The following PLXDC2 variants were observed in gnomAD, a reference collection of about 807,000 sequenced individuals.
PLXDC2 encodes the protein plexin domain-containing protein 2.
A neutral mutation model predicts 68.9 loss-of-function variants in PLXDC2; 40 were observed. The observed-to-expected ratio is 0.58, with a 90% CI of 0.45 to 0.76. The LOEUF is 0.76. PLXDC2 is among the 30% of genes least tolerant of loss of function. The pLI, the probability that PLXDC2 is intolerant of heterozygous loss-of-function variation, is 0.00. For synonymous variants in PLXDC2, 243 were observed against 234.2 expected, an observed-to-expected ratio of 1.04 and a Z score of -0.34; for missense variants, 644 against 661.9, an observed-to-expected ratio of 0.97 and a Z score of 0.30.
intron 1 of PLXDC2, among the ~76,000 whole-genome samples, chr10:19,837,756 T>A (rs1836827123): frequency 6.6e-6 from 1 of 152,216 alleles, no homozygotes; most frequent in African/African-American, 2.4e-5. Flanking sequence ...TAACTGAACT[T>A]GTTAGGTCAT....
chr10:20,128,937 A>G lies in PLXDC2; in HGVS notation c.542-14358A>G, dbSNP rs139862330. The stretch of plus-strand genomic sequence containing the variant: ...CTTGGCCATTGTGAACAATGCTGCA[A>G]TGAACATGGAAGTTCTGCTATCCCT... On this transcript the variant is annotated intron_variant, in intron 4 of 13. Coordinates refer to ENST00000377252, the MANE Select transcript of PLXDC2 (RefSeq NM_032812.9). Among the ~76,000 whole-genome samples the G allele has an allele frequency of 6.6e-5, 10 of 152,328 alleles. 1 individual carries two copies. In the East Asian group the frequency reaches 7.7e-4, roughly 12 times the overall value.
At chr10:20,183,133 G>T (rs541578121) in intron 9 of PLXDC2, among the ~76,000 whole-genome samples, 1 of 152,024 alleles carries the variant, frequency 6.6e-6, no homozygotes, top group African/African-American at 2.4e-5. Flanking sequence ...TTTGCTTTGG[G>T]ACAAGATAAG....
intron 4 of PLXDC2, among the ~76,000 whole-genome samples, chr10:20,110,765 T>TTTCTA (rs1224408954): frequency 6.6e-6 from 1 of 152,182 alleles, no homozygotes; most frequent in African/African-American, 2.4e-5. Flanking sequence ...TTCATCAATC[T>TTTCTA]TTCTATTTTT....
rs575787802 is a variant in PLXDC2 at position 19,925,972 on chromosome 10, A to G, written c.113-75803A>G. On this transcript the variant is annotated intron_variant, in intron 1 of 13. Transcript: ENST00000377252. ...TCCGCTGGCATTAGAGAGCTCCCAC[A>G]TATGAACGCTCAATGTATCCACATG... 4.6e-5 allele frequency among the ~76,000 whole-genome samples: 7 copies of G among 152,322 alleles called. No individual in the cohort carries two copies. The East Asian group carries it at 1.3e-3, about 29-fold the overall frequency.
At chr10:19,912,958 T>C (rs1199453767) in intron 1 of PLXDC2, among the ~76,000 whole-genome samples, 1 of 152,196 alleles carries the variant, frequency 6.6e-6, no homozygotes, top group Non-Finnish European at 1.5e-5. Flanking sequence ...AGTTTAATTA[T>C]GAAAAATACA....
At chr10:19,877,471 C>G (rs757002212) in intron 1 of PLXDC2, among the ~76,000 whole-genome samples, 11 of 152,182 alleles carry the variant, frequency 7.2e-5, no homozygotes, top group Admixed American at 5.9e-4. Flanking sequence ...ACCCATGCAT[C>G]TAGATATGAC....
intron 1 of PLXDC2, among the ~76,000 whole-genome samples, chr10:19,872,043 A>T (rs926810372): frequency 6.6e-6 from 1 of 152,178 alleles, no homozygotes; most frequent in South Asian, 2.1e-4. Context: ...ATAAGTCATT[A>T]TTGAATGAAT....
chr10:20,118,913 T>C (rs1180013834), intron 4 of PLXDC2, among the ~76,000 whole-genome samples: 1 of 147,386 alleles, frequency 6.8e-6, no homozygotes, highest in Admixed American at 7.1e-5. Flanking sequence ...AGAATTTACA[T>C]TGAAGCCTTT....
chr10:19,878,893 A>G (rs1837680828), intron 1 of PLXDC2, among the ~76,000 whole-genome samples: 1 of 152,150 alleles, frequency 6.6e-6, no homozygotes, highest in Non-Finnish European at 1.5e-5. Context: ...TTTGATTTTC[A>G]GCAGTAAACT....
intron 4 of PLXDC2, among the ~76,000 whole-genome samples, chr10:20,112,863 G>A (rs1167898281): frequency 1.3e-5 from 2 of 152,132 alleles, no homozygotes; most frequent in Non-Finnish European, 2.9e-5. Flanking sequence ...GAAAATTAAT[G>A]CTTTTATCAA....
chr10:20,176,364 T>A (rs558662314), intron 7 of PLXDC2, among the ~76,000 whole-genome samples: 1 of 149,752 alleles, frequency 6.7e-6, no homozygotes, highest in African/African-American at 2.5e-5. Context: ...TCAAGCTAAT[T>A]AACACATTCA....
intron 1 of PLXDC2, among the ~76,000 whole-genome samples, chr10:19,930,721 G>A (rs1338332129): frequency 6.6e-6 from 1 of 152,144 alleles, no homozygotes; most frequent in Non-Finnish European, 1.5e-5. Flanking sequence ...CCAGCACTTT[G>A]GGAGGCCGAG....
intron 4 of PLXDC2, among the ~76,000 whole-genome samples, chr10:20,100,530 G>A (rs74891887): frequency 0.012 from 1,895 of 152,206 alleles, 28 homozygotes; most frequent in African/African-American, 0.04. Context: ...TAATTCAGAA[G>A]ACACTGAATT....
intron 2 of PLXDC2, among the ~76,000 whole-genome samples, chr10:20,014,291 C>A (rs1432126669): frequency 1.4e-5 from 2 of 140,968 alleles, no homozygotes; most frequent in Non-Finnish European, 3.0e-5. Context: ...TTTTTTCCTT[C>A]CTTCCTTCCT....
intron 6 of PLXDC2, among the ~76,000 whole-genome samples, chr10:20,148,847 C>A (rs1397647482): frequency 1.3e-5 from 2 of 152,104 alleles, no homozygotes; most frequent in African/African-American, 4.8e-5. Context: ...AGAAAGAATG[C>A]CCTTTGGTCA....
intron 4 of PLXDC2, among the ~76,000 whole-genome samples, chr10:20,079,729 A>G (rs533204557): frequency 1.3e-5 from 2 of 152,300 alleles, no homozygotes; most frequent in African/African-American, 4.8e-5. Flanking sequence ...TGGGAGTTGA[A>G]CAATAAGAAC....
intron 1 of PLXDC2, among the ~76,000 whole-genome samples, chr10:19,948,183 A>G (rs1358115698): frequency 1.3e-5 from 2 of 152,132 alleles, no homozygotes; most frequent in African/African-American, 4.8e-5. Context: ...TGTGTTATGT[A>G]GTAGAGGCTC....
intron 2 of PLXDC2, among the ~76,000 whole-genome samples, chr10:20,027,636 C>T (rs1263544992): frequency 2.1e-5 from 3 of 146,230 alleles, no homozygotes; most frequent in Non-Finnish European, 4.5e-5. Context: ...GCAGCTTGTC[C>T]ATTGCACTTT....
chr10:20,265,520 A>G (rs1366273948), intron 13 of PLXDC2, among the ~76,000 whole-genome samples: 2 of 152,236 alleles, frequency 1.3e-5, no homozygotes, highest in Non-Finnish European at 1.5e-5. Flanking sequence ...TTGGTAATTT[A>G]CACATATACA....
Sources: allele counts gnomAD v4.1 joint callset (sites outside exome capture counted in the v4.1 genomes callset), GRCh38; gene constraint gnomAD v4.1.1; transcripts MANE v1.5; gene names NCBI Gene and HGNC (gene_info 2026-07-23, HGNC 2026-07-21).